The following NPC1 variants were observed in gnomAD, a reference collection of about 807,000 sequenced individuals.
NPC1 encodes the protein Niemann-Pick C1 protein.
Under a neutral mutation model 140.4 loss-of-function variants are expected in NPC1, and 85 were observed. The observed-to-expected ratio is 0.61, with a 90% CI of 0.51 to 0.72. The LOEUF (loss-of-function observed/expected upper bound fraction) is 0.72. Ranked by LOEUF, NPC1 falls within the 30% of genes least tolerant of loss-of-function variation. NPC1 has a pLI of 0.00. For synonymous variants in NPC1, 656 were observed against 624.8 expected (o/e 1.05, Z -0.74); for missense variants, 1,504 against 1,623.8 (o/e 0.93, Z 1.27).
chr18:23,562,318 C>A (rs56960718), intron 4 of NPC1, among the ~76,000 whole-genome samples: 6,109 of 150,986 alleles, frequency 0.04, 384 homozygotes, highest in African/African-American at 0.14. Flanking sequence ...ACAAAAAAAA[C>A]CCCTAATACT....
At chr18:23,578,323 T>A (rs1206271170) in intron 1 of NPC1, among the ~76,000 whole-genome samples, 1 of 152,182 alleles carries the variant, frequency 6.6e-6, no homozygotes, top group Non-Finnish European at 1.5e-5. Context: ...AAAGCCAGGA[T>A]TCAAAACAGA....
At position 23,532,295 on chromosome 18, in the gene NPC1, G is replaced by GA. The variant is rs1307064294; in HGVS notation, c.3755-12dup. ...TATTTACTGATGGCCCTATGAGAGA[G>GA]AGAGACTTTTTCTTATTTCTGCAGG... On this transcript the variant is annotated splice_polypyrimidine_tract_variant and intron_variant, in intron 24 of 24. Transcript: ENST00000269228. 5 of 1,614,104 alleles carry GA rather than the reference G, an allele frequency of 3.1e-6. No homozygotes were observed. The highest frequency in any genetic ancestry group is 4.2e-6 in the Non-Finnish European group (5 of 1,179,994).
chr18:23,509,851 G>A (rs929990564), intron 3 of NPC1, among the ~76,000 whole-genome samples: 8 of 150,948 alleles, frequency 5.3e-5, no homozygotes, highest in Non-Finnish European at 8.9e-5. Flanking sequence ...GAGCCACTGC[G>A]CCCGGCCCTG....
At chr18:23,520,267 C>T (rs142586156), downstream of NPC1, 59 of 1,614,030 alleles carry the variant, frequency 3.7e-5, no homozygotes, top group African/African-American at 6.7e-4. Context: ...TCCACCACCC[C>T]GTGCTTCCCG....
At chr18:23,549,742 C>CTTTTTTTTTTTTTT (rs1000073339) in intron 10 of NPC1, among the ~76,000 whole-genome samples, 1 of 138,006 alleles carries the variant, frequency 7.2e-6, no homozygotes, top group Admixed American at 7.2e-5. Flanking sequence ...TTTTTCACAA[C>CTTTTTTTTTTTTTT]TTTTTTTTTT....
intron 3 of NPC1, among the ~76,000 whole-genome samples, chr18:23,511,952 A>G (rs909819065): frequency 6.6e-6 from 1 of 151,954 alleles, no homozygotes; most frequent in African/African-American, 2.4e-5. Flanking sequence ...TCTGCTTTTC[A>G]TACCTTTAGG....
Position 23,549,587 on chromosome 18 carries a change from C to T in NPC1, c.1655-1479G>A, listed in dbSNP as rs544967431. 6.6e-5 allele frequency among the ~76,000 whole-genome samples: 10 copies of T among 151,570 alleles called. No homozygotes were observed. In the East Asian group the frequency reaches 1.4e-3, roughly 21 times the overall value. Reference sequence around the variant, plus strand: ...CTGGGAGGCAGGGGTTGCAGTGAGCCGAGATCACACCACCGCACTCCAGCC... The same window carrying T: ...CTGGGAGGCAGGGGTTGCAGTGAGCTGAGATCACACCACCGCACTCCAGCC... On this transcript the variant is annotated intron_variant, in intron 10 of 24. Coordinates refer to ENST00000269228, the MANE Select transcript of NPC1 (RefSeq NM_000271.5).
chr18:23,550,918 T>G (rs956468857), intron 10 of NPC1, among the ~76,000 whole-genome samples: 11 of 152,236 alleles, frequency 7.2e-5, no homozygotes. Context: ...CAATTAGAAA[T>G]GGCATTTTCC....
chr18:23,534,593 T>C (rs766921979), intron 22 of NPC1, 34 bp from the exon 23 acceptor site: 9 of 1,557,616 alleles, frequency 5.8e-6, no homozygotes, highest in Admixed American at 1.7e-5. Context: ...GATGGCTCTC[T>C]TCCTGTTGAA....
chr18:23,555,308 A>G (rs1177682292), intron 8 of NPC1, among the ~76,000 whole-genome samples: 1 of 152,222 alleles, frequency 6.6e-6, no homozygotes, highest in Middle Eastern at 3.2e-3. Context: ...CAGAGGGGAG[A>G]GTGGAGGGGG....
In NPC1 at chr18:23,574,880, G is replaced by A. The variant is rs1201756088; in HGVS notation, c.58-1306C>T. The stretch of plus-strand genomic sequence containing the variant: ...TCCCAATTGTTATTCCCATAAACCC[G>A]GTGATTCTAAGGAAAAAAGAAACGT... On this transcript the variant is annotated intron_variant, in intron 1 of 24. Transcript: ENST00000269228. Among the ~76,000 whole-genome samples, 12 of 152,060 alleles carry A rather than the reference G, an allele frequency of 7.9e-5. 1 individual carries two copies. The highest frequency in any genetic ancestry group is 4.6e-4 in the Admixed American group (7 of 15,264).
At chr18:23,522,100 A>T (rs1256870372), downstream of NPC1, among the ~76,000 whole-genome samples, 3 of 152,236 alleles carry the variant, frequency 2.0e-5, no homozygotes, top group Admixed American at 2.0e-4. Flanking sequence ...AAGTTCAGCA[A>T]GAGCACCATT....
chr18:23,549,923 T>C (rs2058844346), intron 10 of NPC1, among the ~76,000 whole-genome samples: 2 of 151,112 alleles, frequency 1.3e-5, no homozygotes, highest in South Asian at 4.2e-4. Context: ...TTTTGTATTT[T>C]CAGTAGAGAC....
At position 23,531,944 on chromosome 18, in the gene NPC1, T is replaced by G; in HGVS notation, c.*258A>C. ...ACAGCCATCTAGTGTCACCTCCTGC[T>G]TGCCAAAGAATGAGGTTTCTTTCCT... On this transcript the variant is annotated 3_prime_UTR_variant, in exon 25 of 25. Transcript: ENST00000269228. 6.9e-7 allele frequency: 1 copy of G among 1,445,184 alleles called. No individual in the cohort carries two copies. Among genetic ancestry groups the G allele is most frequent in the East Asian group, 2.5e-5 (1 of 40,204 alleles). 89.5% of individuals were successfully genotyped at this position (1,445,184 alleles called of 1,614,324 possible).
At chr18:23,572,695 G>T (rs1243016442) in intron 2 of NPC1, among the ~76,000 whole-genome samples, 3 of 152,078 alleles carry the variant, frequency 2.0e-5, no homozygotes, top group Non-Finnish European at 2.9e-5. Flanking sequence ...TTAGCCAGGG[G>T]TTGTGGCATG....
In NPC1 at chr18:23,538,588, G is replaced by A. The variant is rs2145366501; in HGVS notation, c.2995C>T (p.Leu999=). ...GGGTTATCCGAAAGGAACATGGGCA[G>A]GAATCTCATGAAGTCTCCCCCCTGA... ...RPQGGDFMRF[L]PMFLSDNPNP... is the part of the protein sequence containing the mutation. The change falls in exon 20 of 25, where the codon CTG becomes TTG. Residue 999 remains leucine (L), a synonymous_variant. Transcript: ENST00000269228. 2.5e-6 allele frequency: 4 copies of A among 1,614,198 alleles called. No individual in the cohort carries two copies. The highest frequency in any genetic ancestry group is 2.2e-5 in the South Asian group (2 of 91,088).
At chr18:23,582,711 G>T (rs2059370204) in intron 1 of NPC1, among the ~76,000 whole-genome samples, 1 of 151,930 alleles carries the variant, frequency 6.6e-6, no homozygotes, top group South Asian at 2.1e-4. Context: ...GGCTTGATGT[G>T]GGAGAATCAC....
chr18:23,578,481 C>T (rs1446163929), intron 1 of NPC1, among the ~76,000 whole-genome samples: 1 of 152,244 alleles, frequency 6.6e-6, no homozygotes, highest in Non-Finnish European at 1.5e-5. Flanking sequence ...GGGAGCTGCT[C>T]AGCCTTCACT....
Position 23,540,009 on chromosome 18 carries a change from AAAGAT to A in NPC1, c.2605-13_2605-9del. 1 of 1,611,168 alleles carries A rather than the reference AAAGAT, an allele frequency of 6.2e-7. No individual in the cohort carries two copies. The highest frequency in any genetic ancestry group is 8.5e-7 in the Non-Finnish European group (1 of 1,177,340). On this transcript the variant is annotated splice_polypyrimidine_tract_variant and intron_variant, in intron 17 of 24. Coordinates refer to ENST00000269228, the MANE Select transcript of NPC1 (RefSeq NM_000271.5). The stretch of plus-strand genomic sequence containing the variant: ...ATCCACCATGTAGGAGTCCTGAAAG[AAAGAT>A]AAAAGAATAGGAGAGAGTGTGAACA...
Sources: gnomAD v4.1 joint callset for allele counts (sites outside exome capture counted in the v4.1 genomes callset) on GRCh38, gnomAD v4.1.1 for gene constraint, MANE v1.5 for transcripts, NCBI Gene and HGNC (gene_info 2026-07-23, HGNC 2026-07-21) for gene names.